CEP128: variants seen among roughly 807,000 people sequenced by gnomAD.
The protein encoded by CEP128 is centrosomal protein 128kDa.
Under a neutral mutation model 156.7 loss-of-function variants are expected in CEP128, and 132 were observed. That is an observed-to-expected ratio of 0.84 (90% CI 0.73 to 0.97). The LOEUF is 0.97. Among genes scored for constraint, CEP128 ranks in the 50% least tolerant of loss-of-function variants. CEP128 has a pLI of 0.00. For missense variants in CEP128, 1,252 were observed against 1,281.9 expected (o/e 0.98, Z 0.36); for synonymous variants, 469 against 448.9 (o/e 1.04, Z -0.57).
chr14:80,576,887 T>C (rs897350146), intron 20 of CEP128, among the ~76,000 whole-genome samples: 1 of 152,150 alleles, frequency 6.6e-6, no homozygotes, highest in Non-Finnish European at 1.5e-5. Flanking sequence ...GATGAGGCAC[T>C]GTGCTAAGTA....
At chr14:80,933,138 A>G (rs1290552805) in intron 2 of CEP128, among the ~76,000 whole-genome samples, 2 of 151,988 alleles carry the variant, frequency 1.3e-5, no homozygotes, top group Non-Finnish European at 2.9e-5. Context: ...TCAATCCCCC[A>G]GCTTCACCCT....
At chr14:80,535,089 C>T (rs1049826255) in intron 21 of CEP128, among the ~76,000 whole-genome samples, 1 of 152,170 alleles carries the variant, frequency 6.6e-6, no homozygotes, top group African/African-American at 2.4e-5. Flanking sequence ...AGCAGATGAT[C>T]AGTTAATCTT....
At chr14:80,566,441 A>G (rs1055791812) in intron 20 of CEP128, among the ~76,000 whole-genome samples, 1 of 152,232 alleles carries the variant, frequency 6.6e-6, no homozygotes, top group Non-Finnish European at 1.5e-5. Flanking sequence ...AGATAATGAA[A>G]AGGGAAAGGC....
At chr14:80,501,690 G>A (rs998818118) in intron 24 of CEP128, among the ~76,000 whole-genome samples, 4 of 151,734 alleles carry the variant, frequency 2.6e-5, no homozygotes, top group Admixed American at 1.3e-4. Flanking sequence ...GTTTTTAGTA[G>A]AGATGGGGTT....
intron 21 of CEP128, among the ~76,000 whole-genome samples, chr14:80,554,375 C>A (rs1179902640): frequency 6.6e-6 from 1 of 152,076 alleles, no homozygotes; most frequent in East Asian, 1.9e-4. Context: ...GCTATGCTGA[C>A]TCAGGATATA....
chr14:80,921,139 A>C (rs1884835989), intron 2 of CEP128, among the ~76,000 whole-genome samples: 1 of 152,228 alleles, frequency 6.6e-6, no homozygotes, highest in African/African-American at 2.4e-5. Flanking sequence ...CAATTTCATA[A>C]TAAATGTTAT....
rs1305677623 is a variant in CEP128 at position 80,656,315 on chromosome 14, A to ATT, written c.2807-75893_2807-75892insAA. On this transcript the variant is annotated intron_variant, in intron 19 of 24. Coordinates refer to ENST00000555265, the MANE Select transcript of CEP128 (RefSeq NM_152446.5). The stretch of plus-strand genomic sequence containing the variant: ...TTTATATATATATATATATATATAT[A>ATT]TATATATATATATATATATATATAT... Among the ~76,000 whole-genome samples, 36 of 22,160 alleles carry ATT rather than the reference A, an allele frequency of 1.6e-3. 2 individuals are homozygous for ATT. Among genetic ancestry groups the ATT allele is most frequent in the African/African-American group, 8.2e-3 (34 of 4,166 alleles). 14.5% of individuals were successfully genotyped at this position (22,160 alleles called of 152,430 possible). A position where few individuals can be genotyped will look rare whatever the true frequency, so the allele number is the denominator to read the frequency against.
chr14:80,682,981 C>T (rs958389499), intron 19 of CEP128, among the ~76,000 whole-genome samples: 11 of 151,872 alleles, frequency 7.2e-5, no homozygotes, highest in South Asian at 2.1e-4. Flanking sequence ...AGCTAGTTGC[C>T]CACCACCCCC....
At chr14:80,770,411 C>G (rs893130955) in intron 16 of CEP128, among the ~76,000 whole-genome samples, 3 of 152,130 alleles carry the variant, frequency 2.0e-5, no homozygotes, top group Non-Finnish European at 4.4e-5. Flanking sequence ...CTCTCCCTTC[C>G]CATTGTATAT....
At chr14:80,875,033 C>T (rs1402517180) in intron 8 of CEP128, among the ~76,000 whole-genome samples, 2 of 152,184 alleles carry the variant, frequency 1.3e-5, no homozygotes, top group African/African-American at 2.4e-5. Flanking sequence ...ACGACTTTTT[C>T]CCCTGAAATA....
intron 7 of CEP128, 135 bp downstream of exon 7, chr14:80,899,803 T>C (rs1883425044): frequency 1.7e-6 from 1 of 576,610 alleles, no homozygotes; most frequent in African/African-American, 1.9e-5. Context: ...CTGTAAACTG[T>C]TCTGTTAATA....
intron 13 of CEP128, among the ~76,000 whole-genome samples, chr14:80,804,744 T>C (rs529813403): frequency 6.6e-6 from 1 of 152,290 alleles, no homozygotes; most frequent in Admixed American, 6.5e-5. Flanking sequence ...AGTTTCCTTG[T>C]GACCAGTTAA....
Position 80,905,948 on chromosome 14 carries a change from T to G in CEP128, c.361+7A>C, listed in dbSNP as rs1397042266. 3.7e-6 allele frequency: 6 copies of G among 1,610,270 alleles called. No homozygotes were observed. Among genetic ancestry groups the G allele is most frequent in the Non-Finnish European group, 5.1e-6 (6 of 1,178,902 alleles). On this transcript the variant is annotated splice_region_variant and intron_variant, in intron 5 of 24. Coordinates refer to ENST00000555265, the MANE Select transcript of CEP128 (RefSeq NM_152446.5). Reference sequence around the variant, plus strand: ...TTAATGTTTTTCAGAACATTTGAAGTGTTTACCTGACCCAGTGCCACCATC... The same window carrying G: ...TTAATGTTTTTCAGAACATTTGAAGGGTTTACCTGACCCAGTGCCACCATC...
At chr14:80,623,656 G>A (rs996918708) in intron 19 of CEP128, among the ~76,000 whole-genome samples, 3 of 150,658 alleles carry the variant, frequency 2.0e-5, no homozygotes, top group Admixed American at 6.6e-5. Context: ...CTATTCCTTT[G>A]AATCTTCAAT....
At chr14:80,650,623 A>G (rs1236861809) in intron 19 of CEP128, among the ~76,000 whole-genome samples, 1 of 152,194 alleles carries the variant, frequency 6.6e-6, no homozygotes, top group Non-Finnish European at 1.5e-5. Context: ...AGTTTTTAGC[A>G]TGAAGCTGTG....
rs116170530 is a variant in CEP128, at chr14:80,893,885, T to C, written c.645+1833A>G. ...GATGTTTGTGTATATGAACATTTGA[T>C]TTATGACAAAGATACGACTGTAAAG... On this transcript the variant is annotated intron_variant, in intron 8 of 24. Transcript: ENST00000555265. Among the ~76,000 whole-genome samples the C allele has an allele frequency of 4.4e-3, 668 of 152,108 alleles. 5 individuals carry two copies. The highest frequency in any genetic ancestry group is 0.015 in the African/African-American group (639 of 41,548).
intron 13 of CEP128, among the ~76,000 whole-genome samples, chr14:80,794,161 T>C (rs1901865057): frequency 6.6e-6 from 1 of 152,072 alleles, no homozygotes; most frequent in African/African-American, 2.4e-5. Flanking sequence ...ATAAATAACA[T>C]CTCCACTGTA....
At chr14:80,562,014 G>A (rs991451890) in intron 20 of CEP128, among the ~76,000 whole-genome samples, 16 of 151,152 alleles carry the variant, frequency 1.1e-4, no homozygotes, top group South Asian at 4.2e-4. Flanking sequence ...TGCAAGCTCC[G>A]CCTCCCAAGT....
At chr14:80,745,712 C>T (rs1408516561) in intron 18 of CEP128, among the ~76,000 whole-genome samples, 1 of 151,968 alleles carries the variant, frequency 6.6e-6, no homozygotes, top group Non-Finnish European at 1.5e-5. Context: ...AGGATAACAG[C>T]TCTCATCACT....
Sources: allele counts gnomAD v4.1 joint callset (sites outside exome capture counted in the v4.1 genomes callset), GRCh38; gene constraint gnomAD v4.1.1; transcripts MANE v1.5; gene names NCBI Gene and HGNC (gene_info 2026-07-23, HGNC 2026-07-21).